The following CCDC33 variants were observed in gnomAD, a reference collection of about 807,000 sequenced individuals.
The protein encoded by CCDC33 is coiled-coil domain-containing protein 33.
In CCDC33, 94 loss-of-function variants were observed where a neutral mutation model predicts 91.9. The ratio of observed to expected loss-of-function variants is 1.02; its 90% CI spans 0.87 to 1.21. CCDC33 has a LOEUF of 1.21. Ranked by LOEUF, CCDC33 falls within the 50% of genes most tolerant of loss-of-function variation. The pLI, the probability that CCDC33 is intolerant of heterozygous loss-of-function variation, is 0.00. For synonymous variants in CCDC33, 396 were observed against 374.5 expected, an observed-to-expected ratio of 1.06 and a Z score of -0.66; for missense variants, 940 against 935.5, an observed-to-expected ratio of 1.00 and a Z score of -0.06.
chr15:74,215,861 A>G (rs183449139), upstream of CCDC33, among the ~76,000 whole-genome samples: 1 of 149,150 alleles, frequency 6.7e-6, no homozygotes, highest in African/African-American at 2.5e-5. Flanking sequence ...ACAAGAGCAA[A>G]ACTCGATCTC....
intron 1 of CCDC33, 21 bp from the exon 2 acceptor site, chr15:74,243,964 C>G (rs1388626287): frequency 4.5e-6 from 7 of 1,559,038 alleles, no homozygotes; most frequent in Admixed American, 2.0e-5. Context: ...AAAAAACACT[C>G]AGCCCTGGCT....
At chr15:74,210,203 C>T (rs2074347929) in intron 2 of CCDC33, among the ~76,000 whole-genome samples, 1 of 152,204 alleles carries the variant, frequency 6.6e-6, no homozygotes, top group African/African-American at 2.4e-5. Flanking sequence ...TTTAGGAATC[C>T]ATTCCCAAGG....
At chr15:74,233,733 C>T (rs564429429), upstream of CCDC33, among the ~76,000 whole-genome samples, 1 of 152,220 alleles carries the variant, frequency 6.6e-6, no homozygotes, top group Non-Finnish European at 1.5e-5. Flanking sequence ...GCTTTACCTG[C>T]GTGGTCTCAT....
At chr15:74,265,476 A>G (rs61653296) in intron 3 of CCDC33, among the ~76,000 whole-genome samples, 45,123 of 151,994 alleles carry the variant, frequency 0.3, 7,625 homozygotes, top group South Asian at 0.43. Context: ...CTCAAGTGTC[A>G]CCAAATTCAA....
intron 10 of CCDC33, among the ~76,000 whole-genome samples, chr15:74,291,984 G>A (rs1390059211): frequency 1.3e-5 from 2 of 152,266 alleles, no homozygotes; most frequent in African/African-American, 4.8e-5. Context: ...GTCTGAGCTA[G>A]TGCGTGGCCA....
intron 2 of CCDC33, among the ~76,000 whole-genome samples, chr15:74,220,231 A>T (rs752431792): frequency 3.9e-5 from 6 of 152,206 alleles, no homozygotes; most frequent in Non-Finnish European, 5.9e-5. Context: ...CCCAGGGACC[A>T]GCTTCTCTTG....
intron 2 of CCDC33, among the ~76,000 whole-genome samples, chr15:74,223,567 G>C (rs1417053263): frequency 6.6e-6 from 1 of 152,024 alleles, no homozygotes; most frequent in Non-Finnish European, 1.5e-5. Context: ...ACTCGAGTTA[G>C]AGACTCTGCT....
At chr15:74,333,087 C>A in intron 16 of CCDC33, 1 of 813,424 alleles carries the variant, frequency 1.2e-6, no homozygotes, top group Non-Finnish European at 2.0e-6. Context: ...CCCTTGTTGA[C>A]CCTTGGTCCC....
At chr15:74,284,334 G>A (rs557705819) in intron 10 of CCDC33, among the ~76,000 whole-genome samples, 1 of 152,312 alleles carries the variant, frequency 6.6e-6, no homozygotes, top group South Asian at 2.1e-4. Context: ...ATTGGGCTTG[G>A]ACATGGCTCT....
At chr15:74,292,686 G>C (rs1356031876) in intron 10 of CCDC33, among the ~76,000 whole-genome samples, 2 of 152,362 alleles carry the variant, frequency 1.3e-5, no homozygotes, top group East Asian at 1.9e-4. Context: ...AGACCTGCAG[G>C]CTGGGGAGGT....
chr15:74,235,889 C>T (rs1272486866), upstream of CCDC33, among the ~76,000 whole-genome samples: 2 of 152,118 alleles, frequency 1.3e-5, no homozygotes, highest in Non-Finnish European at 2.9e-5. Context: ...ATGCTCTTAC[C>T]CTCTTCTCTC....
At position 74,316,546 on chromosome 15, in the gene CCDC33, C is replaced by T. The variant is rs1416592204; in HGVS notation, c.1291-13643C>T. On this transcript the variant is annotated intron_variant, in intron 11 of 18. Coordinates refer to ENST00000398814, the MANE Select transcript of CCDC33 (RefSeq NM_025055.5). The surrounding 1 kb of genome is among the most constrained non-coding windows in gnomAD (Gnocchi z 4.7). The stretch of plus-strand genomic sequence containing the variant: ...GAAGCCTGGTCTGGGAGGCTTCTTG[C>T]CCCAGGATCTTGGGGATAGCAGGGG... Among the ~76,000 whole-genome samples, 1 of 152,136 alleles carries T rather than the reference C, an allele frequency of 6.6e-6. No homozygotes were observed. The highest frequency in any genetic ancestry group is 2.4e-5 in the African/African-American group (1 of 41,414).
At chr15:74,335,125 G>C in intron 18 of CCDC33, 37 bp downstream of exon 18, 1 of 1,522,444 alleles carries the variant, frequency 6.6e-7, no homozygotes, top group Admixed American at 1.7e-5. Context: ...CAGGGGTTCA[G>C]GTGGTGGAGC....
At chr15:74,284,120 T>C (rs2059427559) in intron 10 of CCDC33, among the ~76,000 whole-genome samples, 1 of 152,242 alleles carries the variant, frequency 6.6e-6, no homozygotes, top group Non-Finnish European at 1.5e-5. Flanking sequence ...AAAGTGCTAA[T>C]GTGGTTAAAT....
At chr15:74,225,828 C>T (rs2074777856) in intron 2 of CCDC33, among the ~76,000 whole-genome samples, 1 of 152,154 alleles carries the variant, frequency 6.6e-6, no homozygotes. Flanking sequence ...ACCCAGTGAG[C>T]CCACCCTGGC....
intron 11 of CCDC33, chr15:74,301,071 T>C (rs1265728522): frequency 6.6e-6 from 1 of 152,160 alleles, no homozygotes; most frequent in Non-Finnish European, 1.5e-5. Context: ...CAGGAAGCCA[T>C]TGGGAAGAGG....
intron 11 of CCDC33, chr15:74,311,997 G>A (rs555140557): frequency 6.6e-6 from 1 of 152,270 alleles, no homozygotes; most frequent in Admixed American, 6.5e-5. Flanking sequence ...AGGGACAGAT[G>A]TTACTCACAC....
At position 74,334,931 on chromosome 15, in the gene CCDC33, C is replaced by T. The variant is rs530526006; in HGVS notation, c.2026-44C>T. 5 of 1,486,124 alleles carry T rather than the reference C, an allele frequency of 3.4e-6. No homozygotes were observed. The Admixed American group carries it at 5.0e-5, about 15-fold the overall frequency. 92.1% of individuals were successfully genotyped at this position (1,486,124 alleles called of 1,614,324 possible). A position where few individuals can be genotyped will look rare whatever the true frequency, so the allele number is the denominator to read the frequency against. ...GTTGTCCTGGCCATCAGGGATTAGC[C>T]CTGCTGCCCATGGTCCTCCAATTGT... is the stretch of plus-strand genomic sequence containing the variant. On this transcript the variant is annotated intron_variant, in intron 17 of 18. Transcript: ENST00000398814.
At chr15:74,325,778 AT>A (rs2060297994) in intron 11 of CCDC33, among the ~76,000 whole-genome samples, 2 of 151,918 alleles carry the variant, frequency 1.3e-5, no homozygotes, top group Non-Finnish European at 2.9e-5. Flanking sequence ...AGCACTTCTT[AT>A]TTTTTTGCGG....
Sources: allele counts gnomAD v4.1 joint callset (sites outside exome capture counted in the v4.1 genomes callset), GRCh38; gene constraint gnomAD v4.1.1; non-coding constraint Gnocchi (gnomAD v3.1); transcripts MANE v1.5; gene names NCBI Gene and HGNC (gene_info 2026-07-23, HGNC 2026-07-21).